Variants in LY6S observed in about 807,000 individuals in gnomAD.
LY6S encodes lymphocyte antigen 6S.
At chr8:143,051,797 C>A in the LY6S span, among the ~76,000 whole-genome samples, 3 of 151,680 alleles carry the variant, frequency 2.0e-5, no homozygotes, top group African/African-American at 7.3e-5. Context: ...CATGGAGAAA[C>A]CCCGTCTCTA....
chr8:143,051,089 C>G, the LY6S span, among the ~76,000 whole-genome samples: 23 of 152,182 alleles, frequency 1.5e-4, no homozygotes, highest in Non-Finnish European at 8.8e-5. Flanking sequence ...GGAGCCTGAG[C>G]GAGTGGCAGC....
the LY6S span, among the ~76,000 whole-genome samples, chr8:143,050,494 T>A: frequency 1.3e-5 from 2 of 152,096 alleles, no homozygotes; most frequent in Admixed American, 1.3e-4. Flanking sequence ...AAACCTGACT[T>A]TCAGACACAC....
the LY6S span, chr8:143,049,162 G>T: frequency 1.9e-6 from 1 of 534,728 alleles, no homozygotes; most frequent in South Asian, 1.4e-5. Flanking sequence ...TTGGCTCGGG[G>T]ACACCTGTGA....
the LY6S span, chr8:143,044,204 T>C: frequency 2.2e-6 from 1 of 456,238 alleles, no homozygotes; most frequent in East Asian, 7.0e-5. Flanking sequence ...CACTGAATGC[T>C]CACAGCCTGC....
chr8:143,044,697 C>T, the LY6S span: 2 of 1,367,576 alleles, frequency 1.5e-6, no homozygotes, highest in South Asian at 1.1e-5. Flanking sequence ...CAAAGACGCT[C>T]ACTTTCTGGG....
At chr8:143,066,066 T>C in the LY6S span, 1 of 398,888 alleles carries the variant, frequency 2.5e-6, no homozygotes, top group Non-Finnish European at 4.8e-6. Context: ...CACATACAGC[T>C]TGGGAAGCAC....
the LY6S span, chr8:143,042,940 GGATATGTTCCCTGACAGGGAAGCCCCGA>G: frequency 3.2e-6 from 4 of 1,238,842 alleles, no homozygotes; most frequent in Non-Finnish European, 4.4e-6. Context: ...GTTTAAGCAG[GGATATGTTCCCTGACAGGGAAGCCCCGA>G]CCTCTGCCCT....
the LY6S span, chr8:143,044,627 A>T: frequency 7.5e-7 from 1 of 1,337,752 alleles, no homozygotes; most frequent in African/African-American, 1.5e-5. Flanking sequence ...CAGCTATCTA[A>T]GAAGTGCCCC....
the LY6S span, among the ~76,000 whole-genome samples, chr8:143,058,974 T>C: frequency 6.6e-6 from 1 of 152,266 alleles, no homozygotes; most frequent in Non-Finnish European, 1.5e-5. Flanking sequence ...TATTATAATA[T>C]TGGAATAAAG....
the LY6S span, among the ~76,000 whole-genome samples, chr8:143,045,472 C>G: frequency 6.6e-6 from 1 of 152,162 alleles, no homozygotes; most frequent in African/African-American, 2.4e-5. The surrounding 1 kb of genome is among the most constrained non-coding windows in gnomAD (Gnocchi z 5.3). Flanking sequence ...CTCTCCATCT[C>G]CCACCCTGTC....
chr8:143,051,738 G>A, the LY6S span, among the ~76,000 whole-genome samples: 1 of 151,758 alleles, frequency 6.6e-6, no homozygotes, highest in Non-Finnish European at 1.5e-5. Flanking sequence ...TTGGGAGGCC[G>A]AAGCACGTGG....
chr8:143,049,910 C>CA, the LY6S span, among the ~76,000 whole-genome samples: 12 of 142,572 alleles, frequency 8.4e-5, no homozygotes, highest in East Asian at 3.9e-4. Context: ...CCAATGGAAG[C>CA]AAAAAAAACA....
the LY6S span, among the ~76,000 whole-genome samples, chr8:143,052,016 C>T: frequency 0.66 from 98,680 of 149,524 alleles, 32,594 homozygotes; most frequent in East Asian, 0.74. Context: ...GCGTGGTGGC[C>T]CAAGCCTGTA....
At chr8:143,051,146 G>A in the LY6S span, among the ~76,000 whole-genome samples, 5 of 152,222 alleles carry the variant, frequency 3.3e-5, no homozygotes, top group African/African-American at 1.2e-4. Flanking sequence ...AGTGACATTG[G>A]GAAATGCAAG....
At chr8:143,069,952 C>A in the LY6S span, among the ~76,000 whole-genome samples, 1 of 152,058 alleles carries the variant, frequency 6.6e-6, no homozygotes, top group Non-Finnish European at 1.5e-5. Context: ...GCATTAGGGT[C>A]CGGCAGTGCA....
the LY6S span, among the ~76,000 whole-genome samples, chr8:143,069,954 G>A: frequency 6.6e-6 from 1 of 152,068 alleles, no homozygotes; most frequent in Non-Finnish European, 1.5e-5. Flanking sequence ...ATTAGGGTCC[G>A]GCAGTGCACT....
the LY6S span, among the ~76,000 whole-genome samples, chr8:143,070,470 TATATAAA>T: frequency 5.2e-5 from 2 of 38,560 alleles, no homozygotes; most frequent in Admixed American, 4.5e-4. Context: ...ATATAATATA[TATATAAA>T]TATATATATA....
At chr8:143,068,544 T>A in the LY6S span, among the ~76,000 whole-genome samples, 3 of 152,100 alleles carry the variant, frequency 2.0e-5, no homozygotes, top group African/African-American at 7.2e-5. Flanking sequence ...GTGCTTCCTG[T>A]ACAGCCTGCA....
chr8:143,056,119 G>A, the LY6S span, among the ~76,000 whole-genome samples: 5 of 149,736 alleles, frequency 3.3e-5, no homozygotes, highest in African/African-American at 7.4e-5. Flanking sequence ...ACAGTGCCGC[G>A]GGTTTCCTCT....
Sources: allele counts gnomAD v4.1 joint callset (sites outside exome capture counted in the v4.1 genomes callset), GRCh38; gene constraint gnomAD v4.1.1; non-coding constraint Gnocchi (gnomAD v3.1); transcripts MANE v1.5; gene names NCBI Gene and HGNC (gene_info 2026-07-23, HGNC 2026-07-21).